Variants in CRPPA observed in about 807,000 individuals in gnomAD.
The protein encoded by CRPPA is CDP-L-ribitol pyrophosphorylase A, also known as D-ribitol-5-phosphate cytidylyltransferase.
CRPPA carries 43 observed loss-of-function variants against 52.0 expected under a neutral mutation model. The ratio of observed to expected loss-of-function variants is 0.83; its 90% CI spans 0.65 to 1.07. The LOEUF (loss-of-function observed/expected upper bound fraction) is 1.07, where lower values mean the gene tolerates loss of function less well. Ranked by LOEUF, CRPPA falls within the 50% of genes least tolerant of loss-of-function variation. CRPPA has a pLI of 0.00. For missense variants in CRPPA, 629 were observed against 551.7 expected (o/e 1.14, Z -1.40); for synonymous variants, 250 against 203.5 (o/e 1.23, Z -1.94).
At chr7:16,174,118 G>A (rs1470181124) in intron 9 of CRPPA, among the ~76,000 whole-genome samples, 1 of 152,062 alleles carries the variant, frequency 6.6e-6, no homozygotes, top group African/African-American at 2.4e-5. Flanking sequence ...ACTACAAGAA[G>A]CCAGACCAAA....
At chr7:16,266,066 C>A (rs1355749663) in intron 6 of CRPPA, among the ~76,000 whole-genome samples, 3 of 152,138 alleles carry the variant, frequency 2.0e-5, no homozygotes, top group Non-Finnish European at 4.4e-5. Context: ...AAAGTCAACT[C>A]CGGGGGAAGG....
chr7:16,233,548 G>A (rs960951665), intron 8 of CRPPA, among the ~76,000 whole-genome samples: 1 of 152,048 alleles, frequency 6.6e-6, no homozygotes, highest in Non-Finnish European at 1.5e-5. Context: ...CTTCTAGAGA[G>A]GAAAACTACA....
At chr7:16,209,610 A>T (rs1431231106) in intron 9 of CRPPA, among the ~76,000 whole-genome samples, 1 of 152,168 alleles carries the variant, frequency 6.6e-6, no homozygotes, top group African/African-American at 2.4e-5. Flanking sequence ...ATAAAATAAA[A>T]TCTTGAGTTT....
intron 8 of CRPPA, among the ~76,000 whole-genome samples, chr7:16,250,393 GA>G (rs1380843047): frequency 6.6e-6 from 1 of 152,052 alleles, no homozygotes; most frequent in Non-Finnish European, 1.5e-5. Flanking sequence ...CGTATTCCTC[GA>G]AAAGAGCAAC....
intron 2 of CRPPA, among the ~76,000 whole-genome samples, chr7:16,399,084 G>C (rs1787712006): frequency 6.6e-6 from 1 of 152,202 alleles, no homozygotes; most frequent in South Asian, 2.1e-4. Flanking sequence ...ACACGTGACT[G>C]ACACATGATA....
At chr7:16,367,730 A>G (rs1786640978) in intron 3 of CRPPA, among the ~76,000 whole-genome samples, 1 of 152,122 alleles carries the variant, frequency 6.6e-6, no homozygotes, top group African/African-American at 2.4e-5. Flanking sequence ...ATATTTCTTT[A>G]ATTTTATAGC....
At chr7:16,391,880 G>C (rs939677728) in intron 2 of CRPPA, among the ~76,000 whole-genome samples, 1 of 152,142 alleles carries the variant, frequency 6.6e-6, no homozygotes, top group African/African-American at 2.4e-5. Context: ...AAGTCAAAGT[G>C]TCACTAGGTA....
chr7:16,125,536 A>G (rs1782561208), intron 9 of CRPPA, among the ~76,000 whole-genome samples: 1 of 152,132 alleles, frequency 6.6e-6, no homozygotes, highest in African/African-American at 2.4e-5. Context: ...ATAAATTTGA[A>G]GATAATGTAG....
intron 9 of CRPPA, among the ~76,000 whole-genome samples, chr7:16,164,114 G>C (rs956196571): frequency 6.6e-6 from 1 of 152,116 alleles, no homozygotes; most frequent in African/African-American, 2.4e-5. Flanking sequence ...TTCCAACTTG[G>C]TTCCATTCTC....
chr7:16,221,245 T>C (rs2128400225), intron 8 of CRPPA, among the ~76,000 whole-genome samples: 1 of 152,266 alleles, frequency 6.6e-6, no homozygotes, highest in African/African-American at 2.4e-5. Context: ...TAGCCATATG[T>C]AGAAAGCTGA....
At chr7:16,174,429 G>A (rs1285010238) in intron 9 of CRPPA, among the ~76,000 whole-genome samples, 1 of 152,118 alleles carries the variant, frequency 6.6e-6, no homozygotes, top group East Asian at 1.9e-4. Context: ...AAACGAGATT[G>A]GCTGTATTCT....
chr7:16,382,173 T>G (rs1404072843), intron 2 of CRPPA, among the ~76,000 whole-genome samples: 1 of 152,122 alleles, frequency 6.6e-6, no homozygotes, highest in Non-Finnish European at 1.5e-5. Context: ...AGGAGCTCTT[T>G]TAGGGCGGGC....
rs531571181 is a variant in CRPPA, at chr7:16,376,634, A to C, written c.535-393T>G. Among the ~76,000 whole-genome samples, 17 of 152,310 alleles carry C rather than the reference A, an allele frequency of 1.1e-4. No homozygotes were observed. The South Asian group carries it at 3.5e-3, about 32-fold the overall frequency. ...ATTAGTATACCCTCAGGAGAGTTAC[A>C]TATTAGATACTTAAGGAAATAAACA... On this transcript the variant is annotated intron_variant, in intron 2 of 9. Transcript: ENST00000407010.
chr7:16,222,377 TG>T (rs1318576715), intron 8 of CRPPA, among the ~76,000 whole-genome samples: 1 of 148,982 alleles, frequency 6.7e-6, no homozygotes, highest in Non-Finnish European at 1.5e-5. Context: ...CGCACCAGCA[TG>T]GCACATGTAT....
At chr7:16,152,985 T>A (rs1364465709) in intron 9 of CRPPA, among the ~76,000 whole-genome samples, 1 of 152,040 alleles carries the variant, frequency 6.6e-6, no homozygotes, top group African/African-American at 2.4e-5. Flanking sequence ...TTACTCTGCA[T>A]ATTATGATTA....
rs545663821 is a variant in CRPPA, at chr7:16,303,477, T to TAAAAAAAAAAAAA, written c.790-2024_790-2012dup. Among the ~76,000 whole-genome samples the TAAAAAAAAAAAAA allele has an allele frequency of 1.6e-3, 73 of 44,964 alleles. 7 individuals carry two copies. Among genetic ancestry groups the TAAAAAAAAAAAAA allele is most frequent in the African/African-American group, 4.1e-3 (50 of 12,074 alleles). 29.5% of individuals were successfully genotyped at this position (44,964 alleles called of 152,430 possible). A position where few individuals can be genotyped will look rare whatever the true frequency, so the allele number is the denominator to read the frequency against. ...GTTTCTGTGTTGAGACATAAAATAGTAAAAAAAAAAAAAAAAAAAAAAAAA... is the reference window on the plus strand; with the variant it reads ...GTTTCTGTGTTGAGACATAAAATAGTAAAAAAAAAAAAAAAAAAAAAAAAAAAAAAAAAAAAAA... On this transcript the variant is annotated intron_variant, in intron 4 of 9. Coordinates refer to ENST00000407010, the MANE Select transcript of CRPPA (RefSeq NM_001101426.4).
At chr7:16,194,151 C>A (rs1781675840) in intron 9 of CRPPA, among the ~76,000 whole-genome samples, 1 of 152,110 alleles carries the variant, frequency 6.6e-6, no homozygotes, top group Admixed American at 6.6e-5. Context: ...ATGAAGATTC[C>A]TCTGCTAGTC....
chr7:16,202,543 G>C (rs1527224), intron 9 of CRPPA, among the ~76,000 whole-genome samples: 97,668 of 152,038 alleles, frequency 0.64, 31,723 homozygotes, highest in Admixed American at 0.69. Flanking sequence ...ATCCTGTCTT[G>C]TTTGGCCTCC....
At chr7:16,154,636 C>T (rs1233157144) in intron 9 of CRPPA, among the ~76,000 whole-genome samples, 1 of 152,014 alleles carries the variant, frequency 6.6e-6, no homozygotes, top group African/African-American at 2.4e-5. Flanking sequence ...GGACTTATTT[C>T]CCAGATTAGA....
Sources: allele counts gnomAD v4.1 joint callset (sites outside exome capture counted in the v4.1 genomes callset), GRCh38; gene constraint gnomAD v4.1.1; transcripts MANE v1.5; gene names NCBI Gene and HGNC (gene_info 2026-07-23, HGNC 2026-07-21).